The following C12orf42 variants were observed in gnomAD, a reference collection of about 807,000 sequenced individuals.
The protein encoded by C12orf42 is chromosome 12 open reading frame 42, also known as uncharacterized protein C12orf42.
A neutral mutation model predicts 21.6 loss-of-function variants in C12orf42; 25 were observed. The observed-to-expected ratio is 1.16, with a 90% CI of 0.84 to 1.62. The LOEUF (loss-of-function observed/expected upper bound fraction) is 1.62. Among genes scored for constraint, C12orf42 ranks in the 40% most tolerant of loss-of-function variants. The probability of loss-of-function intolerance (pLI) is 0.00; values close to 1 mark genes in which losing one functional copy is unlikely to be tolerated. For missense variants in C12orf42, 483 were observed against 459.3 expected (o/e 1.05, Z -0.47); for synonymous variants, 174 against 175.0 (o/e 0.99, Z 0.05).
the C12orf42 span, among the ~76,000 whole-genome samples, chr12:103,517,111 C>T: frequency 6.6e-6 from 1 of 152,154 alleles, no homozygotes; most frequent in African/African-American, 2.4e-5. Context: ...AGGTTGGTGA[C>T]ATAATAAGAC....
chr12:103,060,151 A>G, the C12orf42 span, among the ~76,000 whole-genome samples: 3 of 152,204 alleles, frequency 2.0e-5, no homozygotes, highest in Non-Finnish European at 4.4e-5. Flanking sequence ...TACAAAATCA[A>G]TGTGCAAAAA....
the C12orf42 span, among the ~76,000 whole-genome samples, chr12:103,155,813 G>C: frequency 6.7e-6 from 1 of 148,296 alleles, no homozygotes; most frequent in East Asian, 2.0e-4. Flanking sequence ...ACCAGTATGT[G>C]TATATATAGA....
At chr12:103,532,385 A>G in the C12orf42 span, among the ~76,000 whole-genome samples, 2 of 152,244 alleles carry the variant, frequency 1.3e-5, no homozygotes, top group Non-Finnish European at 2.9e-5. Context: ...TGTTTTATAA[A>G]TGGACTTATT....
At chr12:103,201,762 G>T in the C12orf42 span, among the ~76,000 whole-genome samples, 2 of 152,256 alleles carry the variant, frequency 1.3e-5, no homozygotes, top group Admixed American at 1.3e-4. Context: ...CCACTGCACT[G>T]TATGTTTATT....
the C12orf42 span, among the ~76,000 whole-genome samples, chr12:103,082,454 T>C: frequency 2.0e-3 from 303 of 152,356 alleles, 2 homozygotes; most frequent in African/African-American, 7.2e-3. Context: ...TGACAACCAA[T>C]CTCTGTTTAG....
chr12:103,255,984 T>C (rs1045388899), intron 10 of C12orf42, among the ~76,000 whole-genome samples: 1 of 126,564 alleles, frequency 7.9e-6, no homozygotes, highest in African/African-American at 3.1e-5. Context: ...ACCCGGGAGG[T>C]GGAGCTTGCA....
intron 4 of C12orf42, among the ~76,000 whole-genome samples, chr12:103,296,719 T>C (rs1436394831): frequency 2.0e-5 from 3 of 152,248 alleles, no homozygotes; most frequent in Non-Finnish European, 2.9e-5. Context: ...GTTTTTTTCT[T>C]GTAAATTTGT....
At chr12:103,125,560 T>C in the C12orf42 span, among the ~76,000 whole-genome samples, 174 of 151,984 alleles carry the variant, frequency 1.1e-3, no homozygotes, top group African/African-American at 4.1e-3. Context: ...AAGAAATGAG[T>C]TCATTGCTCA....
the C12orf42 span, among the ~76,000 whole-genome samples, chr12:103,545,671 A>C: frequency 1.3e-5 from 2 of 152,348 alleles, no homozygotes; most frequent in South Asian, 4.1e-4. Context: ...GCAATAAAGA[A>C]ATTGGCCCAA....
intron 4 of C12orf42, among the ~76,000 whole-genome samples, chr12:103,329,474 C>A (rs1245670629): frequency 9.9e-5 from 15 of 152,082 alleles, no homozygotes; most frequent in South Asian, 4.1e-4. Flanking sequence ...GTGCAGCAAA[C>A]CCCCCTGGCA....
the C12orf42 span, among the ~76,000 whole-genome samples, chr12:103,193,370 CA>C: frequency 6.9e-6 from 1 of 145,920 alleles, no homozygotes. Context: ...TCTAAGTTAA[CA>C]GAAAAAAAAA....
chr12:103,120,831 AATT>A, the C12orf42 span, among the ~76,000 whole-genome samples: 3 of 150,778 alleles, frequency 2.0e-5, no homozygotes, highest in Non-Finnish European at 3.0e-5. Flanking sequence ...ACTATAATAA[AATT>A]ATTATTATAC....
the C12orf42 span, among the ~76,000 whole-genome samples, chr12:103,151,283 T>C: frequency 3.3e-5 from 5 of 152,132 alleles, no homozygotes; most frequent in African/African-American, 1.2e-4. Context: ...GCTTCACCAA[T>C]GAATTAATTC....
chr12:103,363,175 T>C (rs765037129), intron 4 of C12orf42, among the ~76,000 whole-genome samples: 2 of 152,096 alleles, frequency 1.3e-5, no homozygotes, highest in Non-Finnish European at 2.9e-5. Flanking sequence ...CAAGCCAGAA[T>C]GGATTGGAAA....
At chr12:103,398,549 G>T (rs1375823883) in intron 3 of C12orf42, among the ~76,000 whole-genome samples, 1 of 151,980 alleles carries the variant, frequency 6.6e-6, no homozygotes, top group Non-Finnish European at 1.5e-5. Flanking sequence ...TATCTTGAAA[G>T]TTTATGATTT....
the C12orf42 span, among the ~76,000 whole-genome samples, chr12:103,097,250 C>A: frequency 6.6e-6 from 1 of 151,538 alleles, no homozygotes; most frequent in African/African-American, 2.4e-5. Flanking sequence ...TTGTGTTGAG[C>A]CGGTGGGTTT....
chr12:103,434,462 G>C (rs931378098), intron 2 of C12orf42, among the ~76,000 whole-genome samples: 2 of 152,190 alleles, frequency 1.3e-5, no homozygotes, highest in Non-Finnish European at 2.9e-5. Flanking sequence ...CAGAGGACGG[G>C]TGATTTCTGC....
chr12:103,163,183 A>C, the C12orf42 span, among the ~76,000 whole-genome samples: 1 of 152,304 alleles, frequency 6.6e-6, no homozygotes, highest in Non-Finnish European at 1.5e-5. Context: ...AAAATCACAT[A>C]AAGAAGTTTG....
At chr12:103,226,919 C>T in the C12orf42 span, among the ~76,000 whole-genome samples, 2 of 152,126 alleles carry the variant, frequency 1.3e-5, no homozygotes, top group Non-Finnish European at 2.9e-5. Context: ...ACGTCAGGCA[C>T]CTCAGACCAT....
Sources: allele counts gnomAD v4.1 joint callset (sites outside exome capture counted in the v4.1 genomes callset), GRCh38; gene constraint gnomAD v4.1.1; transcripts MANE v1.5; gene names NCBI Gene and HGNC (gene_info 2026-07-23, HGNC 2026-07-21).